Variants in PWWP2A observed in about 807,000 individuals in gnomAD.
PWWP2A encodes PWWP domain containing 2A.
PWWP2A carries 18 observed loss-of-function variants against 48.5 expected under a neutral mutation model. The observed-to-expected ratio is 0.37, with a 90% CI of 0.26 to 0.55. PWWP2A has a LOEUF of 0.55. Among genes scored for constraint, PWWP2A ranks in the 20% least tolerant of loss-of-function variants. PWWP2A has a pLI of 0.81. For missense variants in PWWP2A, 867 were observed against 976.4 expected, an observed-to-expected ratio of 0.89 and a Z score of 1.49; for synonymous variants, 396 against 387.7, an observed-to-expected ratio of 1.02 and a Z score of -0.25.
intron 5 of PWWP2A, among the ~76,000 whole-genome samples, chr5:160,062,442 A>C (rs1302057267): frequency 1.3e-5 from 2 of 152,200 alleles, no homozygotes; most frequent in Non-Finnish European, 2.9e-5. Context: ...CTGCAAGGTC[A>C]GAAAGCACCT....
At chr5:160,086,061 C>T (rs375583143) in intron 2 of PWWP2A, among the ~76,000 whole-genome samples, 287 of 152,204 alleles carry the variant, frequency 1.9e-3, no homozygotes, top group African/African-American at 6.3e-3. Flanking sequence ...TCAGGTGATC[C>T]GCCTGCCTCA....
At chr5:160,089,772 A>C, downstream of PWWP2A, 18 of 985,434 alleles carry the variant, frequency 1.8e-5, no homozygotes, top group Non-Finnish European at 2.2e-5. Flanking sequence ...GATTTGGTCT[A>C]AGCCAGTTTA....
the PWWP2A span, among the ~76,000 whole-genome samples, chr5:160,054,788 G>A: frequency 6.6e-6 from 1 of 152,074 alleles, no homozygotes; most frequent in Non-Finnish European, 1.5e-5. Flanking sequence ...GCCTTTATGA[G>A]TATATCTAAG....
At chr5:160,044,825 C>G in the PWWP2A span, among the ~76,000 whole-genome samples, 2 of 152,168 alleles carry the variant, frequency 1.3e-5, no homozygotes, top group African/African-American at 4.8e-5. Flanking sequence ...TTTACCCAGC[C>G]CCTATTCAAG....
At chr5:160,047,170 T>G in the PWWP2A span, among the ~76,000 whole-genome samples, 5 of 152,330 alleles carry the variant, frequency 3.3e-5, no homozygotes, top group South Asian at 1.0e-3. Flanking sequence ...ACTTCTACCC[T>G]GTAGTCTAGT....
At chr5:160,047,979 G>T in the PWWP2A span, among the ~76,000 whole-genome samples, 2 of 152,082 alleles carry the variant, frequency 1.3e-5, no homozygotes. Context: ...AACAAGGACT[G>T]TGTCTGTCTT....
At chr5:160,103,800 A>G (rs1427171832) in intron 1 of PWWP2A, among the ~76,000 whole-genome samples, 1 of 152,100 alleles carries the variant, frequency 6.6e-6, no homozygotes, top group African/African-American at 2.4e-5. Context: ...GTTTAAGAGT[A>G]TGATAGACGG....
chr5:160,118,989 G>C lies in PWWP2A; in HGVS notation c.400C>G (p.Pro134Ala). 6.3e-7 allele frequency: 1 copy of C among 1,596,490 alleles called. No individual in the cohort carries two copies. Among genetic ancestry groups the C allele is most frequent in the Non-Finnish European group, 8.5e-7 (1 of 1,173,760 alleles). The change falls in exon 1 of 2, where the codon CCG becomes GCG. Residue 134 changes from proline to alanine, a missense_variant. Around this residue, in one of 4 missense-constraint regions of PWWP2A, gnomAD observed 385 missense variants for 396.9 expected, o/e 0.97. Transcript: ENST00000307063. ...PPAPEEREEPPLPQPVAPALV... is the reference protein window; with the variant it reads ...PPAPEEREEPALPQPVAPALV... ...GCCGGGGCTACGGGCTGAGGCAGCG[G>C]CGGCTCCTCGCGCTCCTCGGGAGCC...
chr5:160,044,753 C>T, the PWWP2A span, among the ~76,000 whole-genome samples: 1 of 152,214 alleles, frequency 6.6e-6, no homozygotes, highest in Non-Finnish European at 1.5e-5. Flanking sequence ...CCTCCTGTCT[C>T]ATCCTGTGAC....
intron 1 of PWWP2A, among the ~76,000 whole-genome samples, chr5:160,110,598 C>G (rs1305596724): frequency 6.6e-6 from 1 of 151,796 alleles, no homozygotes; most frequent in Non-Finnish European, 1.5e-5. Context: ...CACAGCTACT[C>G]GGGAGGCTGA....
chr5:160,104,084 C>T lies in PWWP2A; in HGVS notation c.585-10019G>A, dbSNP rs553471443. On this transcript the variant is annotated intron_variant, in intron 1 of 1. Coordinates refer to ENST00000307063, the MANE Select transcript of PWWP2A (RefSeq NM_001130864.2). ...GGTTGCAGTGACCCGGGATGCACCA[C>T]TGCACTCCAGCCTGGGCAACAGAGT... Among the ~76,000 whole-genome samples the T allele has an allele frequency of 4.3e-3, 552 of 127,922 alleles. 9 individuals are homozygous for T. Among genetic ancestry groups the T allele is most frequent in the Non-Finnish European group, 6.2e-3 (398 of 64,132 alleles). The allele number at this position is 127,922 out of a possible 152,430, so 83.9% of individuals were successfully genotyped here.
chr5:160,080,324 T>C (rs1272006151), intron 3 of PWWP2A, among the ~76,000 whole-genome samples: 1 of 152,182 alleles, frequency 6.6e-6, no homozygotes, highest in African/African-American at 2.4e-5. Flanking sequence ...TCCAGTATTT[T>C]TGACTTTCCA....
intron 5 of PWWP2A, among the ~76,000 whole-genome samples, chr5:160,063,091 G>A (rs1753478317): frequency 6.6e-6 from 1 of 152,186 alleles, no homozygotes; most frequent in Non-Finnish European, 1.5e-5. Context: ...CCCAGGTTCT[G>A]GGAGCTTTCT....
chr5:160,058,007 T>C (rs1414684904), downstream of PWWP2A, among the ~76,000 whole-genome samples: 3 of 152,254 alleles, frequency 2.0e-5, no homozygotes, highest in Non-Finnish European at 4.4e-5. Context: ...ACTCAGGTGA[T>C]TGGCCTGCCT....
At chr5:160,065,445 G>A (rs765476732) in intron 4 of PWWP2A, 7 of 462,554 alleles carry the variant, frequency 1.5e-5, no homozygotes, top group Admixed American at 9.4e-5. Context: ...GATTGATGAC[G>A]GGTTCCCGCC....
downstream of PWWP2A, among the ~76,000 whole-genome samples, chr5:160,075,531 A>C (rs1326408828): frequency 6.6e-6 from 1 of 152,204 alleles, no homozygotes; most frequent in East Asian, 1.9e-4. Context: ...CCATAAGGGC[A>C]GGATTCCTTA....
downstream of PWWP2A, among the ~76,000 whole-genome samples, chr5:160,073,797 G>A (rs1035057884): frequency 6.6e-6 from 1 of 152,076 alleles, no homozygotes; most frequent in Non-Finnish European, 1.5e-5. Flanking sequence ...GGGTGCGGTG[G>A]CTCACACCTG....
chr5:160,078,121 C>A lies in PWWP2A; in HGVS notation c.*34G>T. 1 of 1,538,296 alleles carries A rather than the reference C, an allele frequency of 6.5e-7. No homozygotes were observed. Among genetic ancestry groups the A allele is most frequent in the Non-Finnish European group, 8.8e-7 (1 of 1,132,218 alleles). ...CCTGATGCTCTGGTGTTCTCTGTGT[C>A]ATTGTGGTACAGGTCCATGAAACCA... On this transcript the variant is annotated 3_prime_UTR_variant, in exon 4 of 4. Transcript: ENST00000456329. The surrounding 1 kb of genome is among the most constrained non-coding windows in gnomAD (Gnocchi z 4.2).
chr5:160,061,101 A>T (rs1753375302), downstream of PWWP2A, among the ~76,000 whole-genome samples: 1 of 152,236 alleles, frequency 6.6e-6, no homozygotes, highest in Non-Finnish European at 1.5e-5. Context: ...GGCTCAGGAC[A>T]GCCTGGCAGG....
Sources: gnomAD v4.1 joint callset for allele counts (sites outside exome capture counted in the v4.1 genomes callset) on GRCh38, gnomAD v4.1.1 for gene constraint, gnomAD v4.1.1 regional missense constraint, Gnocchi (gnomAD v3.1) non-coding constraint, MANE v1.5 for transcripts, NCBI Gene and HGNC (gene_info 2026-07-23, HGNC 2026-07-21) for gene names.